Variants in NBEA observed in about 807,000 individuals in gnomAD.
The protein encoded by NBEA is neurobeachin, also known as lysosomal-trafficking regulator 2.
In NBEA, 44 loss-of-function variants were observed where a neutral mutation model predicts 343.4. The observed-to-expected ratio is 0.13, with a 90% confidence interval of 0.10 to 0.16. NBEA has a LOEUF of 0.16. Among genes scored for constraint, NBEA ranks in the 10% least tolerant of loss-of-function variants. The pLI is 1.00. For synonymous variants in NBEA, 1,175 were observed against 1,238.7 expected (o/e 0.95, Z 1.08); for missense variants, 2,555 against 3,631.3 (o/e 0.70, Z 7.62).
Position 35,173,791 on chromosome 13 carries a change from TG to T in NBEA, c.4554+198del, listed in dbSNP as rs545061083. On this transcript the variant is annotated intron_variant, in intron 27 of 58. Transcript: ENST00000379939. Reference sequence around the variant, plus strand: ...AGATTTGTGTGTTTTGGTTATTAAATGAAGTTACTAACAATTTCTACTTAAT... The same window carrying T: ...AGATTTGTGTGTTTTGGTTATTAAATAAGTTACTAACAATTTCTACTTAAT... 1.5e-3 allele frequency among the ~76,000 whole-genome samples: 236 copies of T among 152,290 alleles called. 2 individuals carry two copies. The highest frequency in any genetic ancestry group is 5.2e-3 in the African/African-American group (217 of 41,570).
At chr13:35,355,802 T>A (rs988844944) in intron 38 of NBEA, among the ~76,000 whole-genome samples, 7 of 151,956 alleles carry the variant, frequency 4.6e-5, no homozygotes, top group South Asian at 4.2e-4. Context: ...CTTCAGGCCT[T>A]AATTCCAAAT....
intron 33 of NBEA, among the ~76,000 whole-genome samples, chr13:35,217,381 G>T (rs2074123025): frequency 6.6e-6 from 1 of 151,610 alleles, no homozygotes; most frequent in Non-Finnish European, 1.5e-5. Context: ...TTTTAATCTG[G>T]CTTGTCAGAT....
chr13:34,981,887 T>C (rs530424733), intron 1 of NBEA, among the ~76,000 whole-genome samples: 2 of 152,244 alleles, frequency 1.3e-5, no homozygotes, highest in East Asian at 3.9e-4. Flanking sequence ...TTCTCTGATA[T>C]TCTTTTAATG....
At chr13:35,435,778 G>A (rs1206324017) in intron 39 of NBEA, among the ~76,000 whole-genome samples, 2 of 152,022 alleles carry the variant, frequency 1.3e-5, no homozygotes, top group Non-Finnish European at 2.9e-5. Flanking sequence ...TGTAATATTA[G>A]GTATTAGTGG....
At chr13:35,170,533 G>A (rs546007799) in intron 25 of NBEA, among the ~76,000 whole-genome samples, 2 of 151,552 alleles carry the variant, frequency 1.3e-5, no homozygotes, top group African/African-American at 4.8e-5. Context: ...ATAAAGTTGT[G>A]CATTTTAAGA....
intron 1 of NBEA, among the ~76,000 whole-genome samples, chr13:34,991,715 T>A (rs1303911488): frequency 6.6e-6 from 1 of 152,206 alleles, no homozygotes; most frequent in African/African-American, 2.4e-5. Context: ...GGACATATAT[T>A]ATTCTATGTT....
At chr13:35,475,036 T>C in intron 41 of NBEA, 2 of 1,598,942 alleles carry the variant, frequency 1.3e-6, no homozygotes, top group East Asian at 4.5e-5. Context: ...GGTAATAATT[T>C]CGGCTCTTGA....
intron 8 of NBEA, among the ~76,000 whole-genome samples, chr13:35,061,519 A>G (rs2063466004): frequency 6.6e-6 from 1 of 151,730 alleles, no homozygotes; most frequent in African/African-American, 2.4e-5. Flanking sequence ...TTTATATTTT[A>G]TAGTTATTAC....
intron 26 of NBEA, 117 bp from the exon 27 acceptor site, chr13:35,173,347 A>G: frequency 1.1e-6 from 1 of 895,740 alleles, no homozygotes; most frequent in South Asian, 2.4e-5. Flanking sequence ...TGATTTTAAG[A>G]TTAATAGTTT....
In NBEA at chr13:35,466,835, A is replaced by G. The variant is rs1417455568; in HGVS notation, c.6449-5565A>G. ...AAATTTTATCTGGACAGCTATCAAT[A>G]TTATTTGTATATAAATAAAACAGTC... On this transcript the variant is annotated intron_variant, in intron 40 of 58. Transcript: ENST00000379939. Among the ~76,000 whole-genome samples the G allele has an allele frequency of 2.0e-5, 3 of 152,254 alleles. No individual in the cohort carries two copies. In the East Asian group the frequency reaches 5.8e-4, roughly 29 times the overall value.
In NBEA at chr13:35,159,627, C is replaced by G. The variant is rs978066515; in HGVS notation, c.3456C>G (p.Pro1152=). The G allele has an allele frequency of 9.3e-6, 15 of 1,610,756 alleles. No homozygotes were observed. The highest frequency in any genetic ancestry group is 6.6e-5 in the South Asian group (6 of 90,752). ...SSTSFLFDKI[P]KQEEKLLPEL... is the part of the protein sequence containing the mutation. ...CATCATTTCTCTTTGATAAAATACC[C>G]AAACAGGAGGAAAAACTACTTCCTG... Residue 1152 remains proline (P), a synonymous_variant, in exon 22 of 59, where the codon CCC becomes CCG. Coordinates refer to ENST00000379939, the MANE Select transcript of NBEA (RefSeq NM_001385012.1).
chr13:35,085,526 T>C (rs2064703134), intron 10 of NBEA, among the ~76,000 whole-genome samples: 1 of 152,106 alleles, frequency 6.6e-6, no homozygotes, highest in African/African-American at 2.4e-5. Flanking sequence ...TTTGACAAAA[T>C]TCAACAACCT....
At chr13:35,490,159 A>T (rs2076450729) in intron 41 of NBEA, among the ~76,000 whole-genome samples, 1 of 151,922 alleles carries the variant, frequency 6.6e-6, no homozygotes, top group Admixed American at 6.6e-5. Flanking sequence ...CCAACAAAAG[A>T]AGGCTATAAC....
At chr13:35,582,871 ATG>A (rs1297826070) in intron 45 of NBEA, among the ~76,000 whole-genome samples, 2 of 152,116 alleles carry the variant, frequency 1.3e-5, no homozygotes, top group Non-Finnish European at 2.9e-5. Context: ...GTGTAACATT[ATG>A]TGTCCCTTTG....
At chr13:35,278,110 ATAT>A (rs1477061766) in intron 34 of NBEA, among the ~76,000 whole-genome samples, 5 of 145,738 alleles carry the variant, frequency 3.4e-5, no homozygotes, top group African/African-American at 1.3e-4. Flanking sequence ...TATATATAAA[ATAT>A]ATATATATAC....
At chr13:35,161,654 C>A in intron 22 of NBEA, 96 bp from the exon 23 acceptor site, 1 of 981,794 alleles carries the variant, frequency 1.0e-6, no homozygotes, top group South Asian at 1.6e-5. Flanking sequence ...TATGCTAAAG[C>A]ATTAAAGCAT....
At chr13:35,388,979 T>G (rs17052192) in intron 38 of NBEA, among the ~76,000 whole-genome samples, 2 of 151,870 alleles carry the variant, frequency 1.3e-5, no homozygotes, top group Admixed American at 1.3e-4. Flanking sequence ...GAAGAGTAGA[T>G]TTTTTTGCTA....
chr13:35,531,289 C>G lies in NBEA; in HGVS notation c.6586-19188C>G, dbSNP rs780131179. Among the ~76,000 whole-genome samples, 9 of 152,202 alleles carry G rather than the reference C, an allele frequency of 5.9e-5. No homozygotes were observed. In the South Asian group the frequency reaches 8.3e-4, roughly 14 times the overall value. ...TGACATCTGTGCCTTAGAGACTTGC[C>G]GTAGTCTTCCTACTATCATAGTTGC... On this transcript the variant is annotated intron_variant, in intron 41 of 58. Transcript: ENST00000379939.
At chr13:34,954,094 A>T (rs1199941537) in intron 1 of NBEA, among the ~76,000 whole-genome samples, 2 of 152,208 alleles carry the variant, frequency 1.3e-5, no homozygotes, top group Non-Finnish European at 2.9e-5. Flanking sequence ...TGCCCTAAAG[A>T]ATATAGTATA....
Sources: allele counts gnomAD v4.1 joint callset (sites outside exome capture counted in the v4.1 genomes callset), GRCh38; gene constraint gnomAD v4.1.1; transcripts MANE v1.5; gene names NCBI Gene and HGNC (gene_info 2026-07-23, HGNC 2026-07-21).